The following SLC24A3 variants were observed in gnomAD, a reference collection of about 807,000 sequenced individuals.
SLC24A3 encodes solute carrier family 24 member 3, also known as sodium/potassium/calcium exchanger 3.
SLC24A3 carries 28 observed loss-of-function variants against 75.8 expected under a neutral mutation model. That is an observed-to-expected ratio of 0.37 (90% confidence interval 0.27 to 0.51). The LOEUF (loss-of-function observed/expected upper bound fraction) is 0.51, where lower values mean the gene tolerates loss of function less well. SLC24A3 is among the 20% of genes least tolerant of loss of function. The pLI, the probability that SLC24A3 is intolerant of heterozygous loss-of-function variation, is 0.94. For missense variants in SLC24A3, 663 were observed against 847.8 expected (o/e 0.78, Z 2.71); for synonymous variants, 372 against 334.1 (o/e 1.11, Z -1.24).
intron 1 of SLC24A3, among the ~76,000 whole-genome samples, chr20:19,236,748 C>T (rs1982180657): frequency 6.6e-6 from 1 of 152,036 alleles, no homozygotes; most frequent in South Asian, 2.1e-4. Context: ...AAAGTGAGAC[C>T]CTGTCTCAAA....
intron 2 of SLC24A3, among the ~76,000 whole-genome samples, chr20:19,345,101 C>A (rs576864255): frequency 1.6e-4 from 24 of 152,262 alleles, no homozygotes; most frequent in Middle Eastern, 3.4e-3. Flanking sequence ...TGATAAAAAT[C>A]TCCAGGAACT....
At chr20:19,610,794 G>T (rs902394498) in intron 6 of SLC24A3, among the ~76,000 whole-genome samples, 1 of 152,216 alleles carries the variant, frequency 6.6e-6, no homozygotes, top group Admixed American at 6.5e-5. Flanking sequence ...TTGTACACCA[G>T]CTCCCATTAG....
intron 3 of SLC24A3, among the ~76,000 whole-genome samples, chr20:19,569,050 G>T (rs536025773): frequency 6.6e-6 from 1 of 152,274 alleles, no homozygotes; most frequent in South Asian, 2.1e-4. Context: ...ACCCCAGGAA[G>T]CAGTCCAGCT....
intron 2 of SLC24A3, among the ~76,000 whole-genome samples, chr20:19,387,246 T>C (rs1185981992): frequency 6.6e-6 from 1 of 152,044 alleles, no homozygotes; most frequent in Non-Finnish European, 1.5e-5. Flanking sequence ...TTTTCTTTAG[T>C]TATGATTTGT....
At chr20:19,530,458 G>C (rs2030275605) in intron 3 of SLC24A3, among the ~76,000 whole-genome samples, 1 of 152,172 alleles carries the variant, frequency 6.6e-6, no homozygotes, top group Non-Finnish European at 1.5e-5. Flanking sequence ...ACAACTTGTT[G>C]ATTTCCATGA....
intron 2 of SLC24A3, among the ~76,000 whole-genome samples, chr20:19,465,374 C>A (rs186510133): frequency 5.1e-5 from 7 of 136,174 alleles, no homozygotes; most frequent in African/African-American, 2.0e-4. Context: ...CCCAGCAGGG[C>A]TGGAGAATTT....
At chr20:19,710,976 C>G (rs889447776) in intron 15 of SLC24A3, among the ~76,000 whole-genome samples, 1 of 152,214 alleles carries the variant, frequency 6.6e-6, no homozygotes, top group African/African-American at 2.4e-5. Flanking sequence ...GTCTCCCAAT[C>G]AACTCTCCAC....
chr20:19,396,911 C>T (rs1375893487), intron 2 of SLC24A3, among the ~76,000 whole-genome samples: 2 of 152,214 alleles, frequency 1.3e-5, no homozygotes, highest in Non-Finnish European at 2.9e-5. Context: ...ATTTTCATCT[C>T]AGTCAACAGA....
At chr20:19,570,877 G>T (rs746505044) in intron 3 of SLC24A3, among the ~76,000 whole-genome samples, 1 of 152,148 alleles carries the variant, frequency 6.6e-6, no homozygotes, top group East Asian at 1.9e-4. Flanking sequence ...GCAAACTCAC[G>T]AATTCTTTTT....
At chr20:19,540,579 A>C (rs2030478045) in intron 3 of SLC24A3, among the ~76,000 whole-genome samples, 1 of 152,224 alleles carries the variant, frequency 6.6e-6, no homozygotes, top group Non-Finnish European at 1.5e-5. Flanking sequence ...ACAGTGTGTG[A>C]GGGACAGAGC....
At chr20:19,535,151 C>T (rs912235253) in intron 3 of SLC24A3, among the ~76,000 whole-genome samples, 7 of 152,230 alleles carry the variant, frequency 4.6e-5, no homozygotes, top group Admixed American at 4.6e-4. Flanking sequence ...TTGATCTCAG[C>T]TCAGCTCTCA....
chr20:19,358,559 GATACT>G (rs1279825164), intron 2 of SLC24A3, among the ~76,000 whole-genome samples: 1 of 152,160 alleles, frequency 6.6e-6, no homozygotes, highest in African/African-American at 2.4e-5. Flanking sequence ...AGTGTCCAGT[GATACT>G]TAAGAAATCC....
At chr20:19,455,496 C>G (rs1490971438) in intron 2 of SLC24A3, among the ~76,000 whole-genome samples, 1 of 152,146 alleles carries the variant, frequency 6.6e-6, no homozygotes. Flanking sequence ...TCATGGTATC[C>G]TTTAACCATG....
chr20:19,642,782 G>C (rs923489717), intron 6 of SLC24A3, among the ~76,000 whole-genome samples: 7 of 152,080 alleles, frequency 4.6e-5, no homozygotes, highest in African/African-American at 1.2e-4. Context: ...CTTAAGGAAG[G>C]GTTCTTTGTT....
intron 1 of SLC24A3, among the ~76,000 whole-genome samples, chr20:19,263,639 T>C (rs1983066560): frequency 6.6e-6 from 1 of 152,204 alleles, no homozygotes; most frequent in Non-Finnish European, 1.5e-5. Context: ...CTCCTTTCCC[T>C]GCCTTCCCTT....
rs540654010 is a variant in SLC24A3 at position 19,281,195 on chromosome 20, C to T, written c.271+108C>T. 20 of 1,500,418 alleles carry T rather than the reference C, an allele frequency of 1.3e-5. No homozygotes were observed. In the East Asian group the frequency reaches 4.6e-4, roughly 35 times the overall value. The allele number at this position is 1,500,418 out of a possible 1,614,324, so 92.9% of individuals were successfully genotyped here. A position where few individuals can be genotyped will look rare whatever the true frequency, so the allele number is the denominator to read the frequency against. The stretch of plus-strand genomic sequence containing the variant: ...TTAGAATTTTAATCCAGAAAGCCTC[C>T]AAAGATGTTTAGGATGGGAGTCTAA... On this transcript the variant is annotated intron_variant, in intron 2 of 16. Transcript: ENST00000328041.
At position 19,720,932 on chromosome 20, in the gene SLC24A3, A is replaced by G. The variant is rs553266496; in HGVS notation, c.1786-59A>G. On this transcript the variant is annotated intron_variant, in intron 16 of 16. Coordinates refer to ENST00000328041, the MANE Select transcript of SLC24A3 (RefSeq NM_020689.4). Reference sequence around the variant, plus strand: ...CCGGGTCCCCTGGGTTCCCCTACCAACCCCCCAAAGGCTGCTGCCTCCTCC... The same window carrying G: ...CCGGGTCCCCTGGGTTCCCCTACCAGCCCCCCAAAGGCTGCTGCCTCCTCC... The G allele has an allele frequency of 2.7e-5, 43 of 1,593,934 alleles. No individual in the cohort carries two copies. In the South Asian group the frequency reaches 4.4e-4, roughly 16 times the overall value.
chr20:19,550,201 C>A (rs1471882055), intron 3 of SLC24A3, among the ~76,000 whole-genome samples: 1 of 152,120 alleles, frequency 6.6e-6, no homozygotes, highest in Non-Finnish European at 1.5e-5. Flanking sequence ...TTAGAGGCAG[C>A]TCAAGAATTA....
intron 1 of SLC24A3, among the ~76,000 whole-genome samples, chr20:19,280,694 C>G (rs954890402): frequency 1.3e-5 from 2 of 152,174 alleles, no homozygotes; most frequent in African/African-American, 4.8e-5. Context: ...GGCAGTTGAT[C>G]AAGTGTGCTT....
Sources: gnomAD v4.1 joint callset for allele counts (sites outside exome capture counted in the v4.1 genomes callset) on GRCh38, gnomAD v4.1.1 for gene constraint, MANE v1.5 for transcripts, NCBI Gene and HGNC (gene_info 2026-07-23, HGNC 2026-07-21) for gene names.